Variants in RBFOX1 observed in about 807,000 individuals in gnomAD.
The protein encoded by RBFOX1 is RNA binding protein fox-1 homolog 1.
In RBFOX1, 8 loss-of-function variants were observed where a neutral mutation model predicts 57.7. That is an observed-to-expected ratio of 0.14 (90% CI 0.08 to 0.25). The LOEUF is 0.25. Among genes scored for constraint, RBFOX1 ranks in the 10% least tolerant of loss-of-function variants. The pLI is 1.00. For missense variants in RBFOX1, 611 were observed against 548.5 expected (o/e 1.11, Z -1.14); for synonymous variants, 326 against 222.4 (o/e 1.47, Z -4.15).
At chr16:7,499,337 A>G (rs770646445) in intron 4 of RBFOX1, among the ~76,000 whole-genome samples, 2 of 152,188 alleles carry the variant, frequency 1.3e-5, no homozygotes, top group African/African-American at 2.4e-5. Context: ...AGACACAGTC[A>G]TATGGATTCA....
chr16:6,990,378 A>T (rs1441940886), intron 3 of RBFOX1, among the ~76,000 whole-genome samples: 1 of 152,070 alleles, frequency 6.6e-6, no homozygotes, highest in Non-Finnish European at 1.5e-5. Context: ...TACAAAAGTT[A>T]GCCGGTAGTG....
At chr16:7,404,963 T>C (rs2098313063) in intron 4 of RBFOX1, among the ~76,000 whole-genome samples, 1 of 152,160 alleles carries the variant, frequency 6.6e-6, no homozygotes, top group African/African-American at 2.4e-5. Flanking sequence ...CTACTCCCTC[T>C]AGTAGAGATG....
At chr16:6,853,826 C>G (rs377533559) in intron 3 of RBFOX1, among the ~76,000 whole-genome samples, 2 of 152,242 alleles carry the variant, frequency 1.3e-5, no homozygotes, top group Non-Finnish European at 2.9e-5. Flanking sequence ...CAACGGATGA[C>G]TGACATTACA....
Position 5,514,244 on chromosome 16 carries a change from G to A in RBFOX1, c.258+46990G>A, listed in dbSNP as rs1381113520. Among the ~76,000 whole-genome samples the A allele has an allele frequency of 2.6e-5, 4 of 152,324 alleles. No homozygotes were observed. The South Asian group carries it at 8.3e-4, about 32-fold the overall frequency. ...TGAGGGTCTACTGTTGGCTGACCGT[G>A]GATGGGTTCAGCTAGAATGGCCAGG... On this transcript the variant is annotated intron_variant, in intron 2 of 2. Transcript: ENST00000585867.
chr16:7,285,760 C>T (rs904419934), intron 4 of RBFOX1, among the ~76,000 whole-genome samples: 3 of 152,160 alleles, frequency 2.0e-5, no homozygotes, highest in African/African-American at 7.2e-5. Context: ...GGATGTACCA[C>T]AGTTTGTTTA....
At chr16:7,525,119 T>C (rs2078402500) in intron 5 of RBFOX1, among the ~76,000 whole-genome samples, 1 of 151,990 alleles carries the variant, frequency 6.6e-6, no homozygotes, top group African/African-American at 2.4e-5. Context: ...TCTATCTCTA[T>C]CTTTATCTCC....
At chr16:5,769,395 C>T (rs2053900118) in intron 3 of RBFOX1, among the ~76,000 whole-genome samples, 1 of 151,242 alleles carries the variant, frequency 6.6e-6, no homozygotes, top group Non-Finnish European at 1.5e-5. Context: ...AATCCTAGCA[C>T]TTCTGGAGGC....
intron 1 of RBFOX1, among the ~76,000 whole-genome samples, chr16:6,210,358 C>CAAAAAAAAAAAAAA (rs1567684381): frequency 1.1e-4 from 11 of 96,682 alleles, no homozygotes; most frequent in Non-Finnish European, 1.6e-4. Context: ...AAAAAAAAAA[C>CAAAAAAAAAAAAAA]ACCAAAAAAA....
intron 2 of RBFOX1, among the ~76,000 whole-genome samples, chr16:6,498,963 T>C (rs894725777): frequency 6.6e-6 from 1 of 152,130 alleles, no homozygotes; most frequent in Non-Finnish European, 1.5e-5. Flanking sequence ...ATACACCCCA[T>C]TGGCAAAAAG....
intron 3 of RBFOX1, among the ~76,000 whole-genome samples, chr16:6,945,394 T>C (rs2079302213): frequency 6.6e-6 from 1 of 150,904 alleles, no homozygotes; most frequent in East Asian, 1.9e-4. Flanking sequence ...ACCTGTGCCA[T>C]TTCTAGATGG....
chr16:5,397,135 C>G (rs2066581723), intron 1 of RBFOX1, among the ~76,000 whole-genome samples: 1 of 152,228 alleles, frequency 6.6e-6, no homozygotes, highest in Non-Finnish European at 1.5e-5. Context: ...GAAGCAAGAG[C>G]AAAGTGAAAC....
rs558556494 is a variant in RBFOX1 at position 7,628,995 on chromosome 16, A to G, written c.677-1608A>G. On this transcript the variant is annotated intron_variant, in intron 10 of 15. Transcript: ENST00000550418. ...ACTGACACTCCGCCAGACTCTTGAT[A>G]TATTTACTACCCAGAGAAGGTTAGT... Among the ~76,000 whole-genome samples, 5 of 152,326 alleles carry G rather than the reference A, an allele frequency of 3.3e-5. 1 individual carries two copies. In the South Asian group the frequency reaches 1.0e-3, roughly 32 times the overall value.
At chr16:6,289,287 A>G (rs1176703843) in intron 1 of RBFOX1, among the ~76,000 whole-genome samples, 1 of 152,060 alleles carries the variant, frequency 6.6e-6, no homozygotes. Context: ...GGGTGGAGGT[A>G]GGATGGAAGG....
intron 3 of RBFOX1, among the ~76,000 whole-genome samples, chr16:5,646,262 T>C (rs1369424230): frequency 1.3e-5 from 2 of 151,588 alleles, no homozygotes; most frequent in African/African-American, 4.9e-5. Flanking sequence ...CTTGACCTTG[T>C]GATCCGCCTT....
At chr16:6,833,499 G>A (rs759767428) in intron 3 of RBFOX1, among the ~76,000 whole-genome samples, 2 of 152,076 alleles carry the variant, frequency 1.3e-5, no homozygotes, top group Non-Finnish European at 2.9e-5. Context: ...CCTTCTCAGG[G>A]AGACCCTCCT....
chr16:7,687,231 A>G (rs1215662154), intron 14 of RBFOX1, among the ~76,000 whole-genome samples: 3 of 152,088 alleles, frequency 2.0e-5, no homozygotes, highest in Non-Finnish European at 4.4e-5. Context: ...GGCAGGTAAA[A>G]AATATGAATC....
chr16:7,657,917 T>A (rs7190927), intron 12 of RBFOX1, among the ~76,000 whole-genome samples: 1 of 152,042 alleles, frequency 6.6e-6, no homozygotes, highest in South Asian at 2.1e-4. Flanking sequence ...TGGAATTTTA[T>A]AGTCCTAGGA....
rs151272082 is a variant in RBFOX1, at chr16:5,813,665, T to G, written c.319-53638T>G. Among the ~76,000 whole-genome samples the G allele has an allele frequency of 3.4e-3, 513 of 152,360 alleles. 13 individuals are homozygous for G. Among genetic ancestry groups the G allele is most frequent in the Admixed American group, 0.026 (401 of 15,308 alleles). On this transcript the variant is annotated intron_variant, in intron 3 of 19. Coordinates refer to the RBFOX1 transcript ENST00000641259. Reference sequence around the variant, plus strand: ...TATAACAGGGATCCTGTATCAGGTATGTGATTTGCAAATAGTTTATCTGTA... The same window carrying G: ...TATAACAGGGATCCTGTATCAGGTAGGTGATTTGCAAATAGTTTATCTGTA...
intron 2 of RBFOX1, among the ~76,000 whole-genome samples, chr16:6,550,259 C>A (rs950237289): frequency 2.0e-5 from 3 of 152,048 alleles, no homozygotes; most frequent in Non-Finnish European, 4.4e-5. Context: ...CTCACTGCAA[C>A]CTCCGCCTCC....
Sources: gnomAD v4.1 joint callset for allele counts (sites outside exome capture counted in the v4.1 genomes callset) on GRCh38, gnomAD v4.1.1 for gene constraint, MANE v1.5 for transcripts, NCBI Gene and HGNC (gene_info 2026-07-23, HGNC 2026-07-21) for gene names.